Variants in CCDC134 observed in about 807,000 individuals in gnomAD.
The protein encoded by CCDC134 is coiled-coil domain-containing protein 134.
In CCDC134, 27 loss-of-function variants were observed where a neutral mutation model predicts 25.6. That is an observed-to-expected ratio of 1.05 (90% CI 0.78 to 1.45). CCDC134 has a LOEUF of 1.45. Ranked by LOEUF, CCDC134 falls within the 40% of genes most tolerant of loss-of-function variation. CCDC134 has a pLI of 0.00. For synonymous variants in CCDC134, 110 were observed against 115.0 expected, an observed-to-expected ratio of 0.96 and a Z score of 0.28; for missense variants, 261 against 286.7, an observed-to-expected ratio of 0.91 and a Z score of 0.65.
intron 6 of CCDC134, among the ~76,000 whole-genome samples, chr22:41,819,184 G>T (rs1009054595): frequency 9.9e-5 from 15 of 152,188 alleles, no homozygotes; most frequent in Admixed American, 6.5e-4. Context: ...AGAGTTCTGA[G>T]TTCTCCTGCT....
chr22:41,814,140 C>T (rs1285943346), intron 6 of CCDC134, among the ~76,000 whole-genome samples: 1 of 152,206 alleles, frequency 6.6e-6, no homozygotes, highest in Non-Finnish European at 1.5e-5. Context: ...GAGATCAGGC[C>T]ATGCTCTTCC....
rs566126468 is a variant in CCDC134 at position 41,823,852 on chromosome 22, G to A, written c.565-1846G>A. Among the ~76,000 whole-genome samples, 10 of 152,326 alleles carry A rather than the reference G, an allele frequency of 6.6e-5. No individual in the cohort carries two copies. In the South Asian group the frequency reaches 2.1e-3, roughly 32 times the overall value. ...CCAGAGAAAACCCACCAGAACACGG[G>A]GAGAATGTGTGGACTCCACACAGAC... On this transcript the variant is annotated intron_variant, in intron 6 of 6. Transcript: ENST00000255784.
rs67246997 is a variant in CCDC134, at chr22:41,830,884, C to CTTT, written c.*5081_*5083dup. 8.4e-4 allele frequency among the ~76,000 whole-genome samples: 98 copies of CTTT among 117,250 alleles called. No homozygotes were observed. The highest frequency in any genetic ancestry group is 1.4e-3 in the African/African-American group (36 of 25,484). The allele number at this position is 117,250 out of a possible 152,430, so 76.9% of individuals were successfully genotyped here. ...AGATCCTTATTTTTTCTTTTCTTTT[C>CTTT]TTTTTTTTTTTTTTTTTTTTTTGAG... is the stretch of plus-strand genomic sequence containing the variant. On this transcript the variant is annotated 3_prime_UTR_variant, in exon 7 of 7. Transcript: ENST00000255784.
chr22:41,824,443 A>T (rs1375395663), intron 6 of CCDC134, among the ~76,000 whole-genome samples: 1 of 152,132 alleles, frequency 6.6e-6, no homozygotes, highest in Admixed American at 6.5e-5. Context: ...TGGAAGCTGG[A>T]ATGTGACATG....
At chr22:41,813,880 C>A in intron 6 of CCDC134, 58 bp downstream of exon 6, 1 of 1,520,188 alleles carries the variant, frequency 6.6e-7, no homozygotes, top group South Asian at 1.1e-5. Flanking sequence ...CATAGGACAC[C>A]GAGGCCTGCA....
At position 41,826,023 on chromosome 22, in the gene CCDC134, C is replaced by G; in HGVS notation, c.*200C>G. The stretch of plus-strand genomic sequence containing the variant: ...TGGCTGGATTTTCTCTCAGGGGCCT[C>G]CTGCTGAAGGGGCCTTCAGAGGATT... On this transcript the variant is annotated 3_prime_UTR_variant, in exon 7 of 7. Coordinates refer to ENST00000255784, the MANE Select transcript of CCDC134 (RefSeq NM_024821.5). 1 of 634,084 alleles carries G rather than the reference C, an allele frequency of 1.6e-6. No individual in the cohort carries two copies. The highest frequency in any genetic ancestry group is 1.8e-5 in the African/African-American group (1 of 54,880). 39.3% of individuals were successfully genotyped at this position (634,084 alleles called of 1,614,324 possible).
At chr22:41,806,046 A>G (rs1014018636) in intron 1 of CCDC134, among the ~76,000 whole-genome samples, 12 of 152,180 alleles carry the variant, frequency 7.9e-5, no homozygotes, top group Non-Finnish European at 1.6e-4. Flanking sequence ...TTCTTTATTT[A>G]GTCCATAGAT....
rs1209671303 is a variant in CCDC134, at chr22:41,813,453, C to A, written c.492+8C>A. 1.2e-6 allele frequency: 2 copies of A among 1,614,026 alleles called. No individual in the cohort carries two copies. The highest frequency in any genetic ancestry group is 1.7e-6 in the Non-Finnish European group (2 of 1,179,986). On this transcript the variant is annotated splice_region_variant and intron_variant, in intron 5 of 6. Transcript: ENST00000255784. ...TCGCCCATCCTCAGCCTGGTAAGGA[C>A]TGGGGTGGAGGTGGCCCGGGAGCCC... is the stretch of plus-strand genomic sequence containing the variant.
intron 1 of CCDC134, among the ~76,000 whole-genome samples, chr22:41,803,760 T>A (rs140179600): frequency 6.6e-6 from 1 of 152,104 alleles, no homozygotes; most frequent in African/African-American, 2.4e-5. Flanking sequence ...AGAGTGAGAC[T>A]CTGTCTCCAA....
Position 41,826,497 on chromosome 22 carries a change from C to T in CCDC134, c.*674C>T, listed in dbSNP as rs1341813374. On this transcript the variant is annotated 3_prime_UTR_variant, in exon 7 of 7. Transcript: ENST00000255784. ...GGTGTTGGGAAAGGACCTGGAAGTG[C>T]CCTGGGACCTGGGAAACATTTAGCT... Among the ~76,000 whole-genome samples, 2 of 152,206 alleles carry T rather than the reference C, an allele frequency of 1.3e-5. No homozygotes were observed. Among genetic ancestry groups the T allele is most frequent in the African/African-American group, 4.8e-5 (2 of 41,466 alleles).
chr22:41,824,336 TA>T (rs2076665982), intron 6 of CCDC134, among the ~76,000 whole-genome samples: 2 of 151,780 alleles, frequency 1.3e-5, no homozygotes, highest in Non-Finnish European at 2.9e-5. Context: ...TCCAAGAACA[TA>T]AAGGTGGGGG....
At chr22:41,814,331 C>T (rs1477178185) in intron 6 of CCDC134, among the ~76,000 whole-genome samples, 1 of 152,038 alleles carries the variant, frequency 6.6e-6, no homozygotes, top group African/African-American at 2.4e-5. Flanking sequence ...TTTGGGAGGC[C>T]GAGGCGGGTG....
At chr22:41,810,066 A>G in intron 3 of CCDC134, 66 bp downstream of exon 3, 1 of 1,606,632 alleles carries the variant, frequency 6.2e-7, no homozygotes, top group Non-Finnish European at 8.5e-7. Flanking sequence ...ATGGGTAAAC[A>G]GGAGTTCCCT....
rs547880475 is a variant in CCDC134, at chr22:41,830,673, ACTAT to A, written c.*4855_*4858del. 4.4e-4 allele frequency among the ~76,000 whole-genome samples: 67 copies of A among 152,336 alleles called. 2 individuals carry two copies. In the East Asian group the frequency reaches 0.01, roughly 24 times the overall value. Reference sequence around the variant, plus strand: ...GTCTTGCTTTCCCAAAAAATAAGACACTATCTATTTCTCATTAGTTATACACGTT... The same window carrying A: ...GTCTTGCTTTCCCAAAAAATAAGACACTATTTCTCATTAGTTATACACGTT... On this transcript the variant is annotated 3_prime_UTR_variant, in exon 7 of 7. Transcript: ENST00000255784.
At chr22:41,821,689 C>T (rs894512338) in intron 6 of CCDC134, among the ~76,000 whole-genome samples, 2 of 152,052 alleles carry the variant, frequency 1.3e-5, no homozygotes, top group African/African-American at 2.4e-5. Flanking sequence ...AGAGGGAGGA[C>T]GTGATGAGGC....
In CCDC134 at chr22:41,829,466, T is replaced by C. The variant is rs1369751636; in HGVS notation, c.*3643T>C. 1.3e-5 allele frequency among the ~76,000 whole-genome samples: 2 copies of C among 152,250 alleles called. No homozygotes were observed. The highest frequency in any genetic ancestry group is 2.9e-5 in the Non-Finnish European group (2 of 68,050). ...TACCTGATAATTCTCATCGCTTATGTTTCCAAAACCAAACTGGTTATTTCC... is the reference window on the plus strand; with the variant it reads ...TACCTGATAATTCTCATCGCTTATGCTTCCAAAACCAAACTGGTTATTTCC... On this transcript the variant is annotated 3_prime_UTR_variant, in exon 7 of 7. Coordinates refer to ENST00000255784, the MANE Select transcript of CCDC134 (RefSeq NM_024821.5).
At chr22:41,811,143 A>G (rs2076594093) in intron 4 of CCDC134, among the ~76,000 whole-genome samples, 1 of 152,134 alleles carries the variant, frequency 6.6e-6, no homozygotes, top group Admixed American at 6.5e-5. Context: ...TGGCTCCAAT[A>G]GGGACTGCTT....
chr22:41,823,580 G>A (rs1176737463), intron 6 of CCDC134, among the ~76,000 whole-genome samples: 1 of 152,132 alleles, frequency 6.6e-6, no homozygotes, highest in Non-Finnish European at 1.5e-5. Context: ...TGAAATAAAT[G>A]TGAACTATAC....
chr22:41,803,925 A>T (rs1451810110), intron 1 of CCDC134, among the ~76,000 whole-genome samples: 1 of 152,068 alleles, frequency 6.6e-6, no homozygotes, highest in Non-Finnish European at 1.5e-5. Context: ...AGGGCAGGAG[A>T]TGGAGACCAT....
Sources: gnomAD v4.1 joint callset for allele counts (sites outside exome capture counted in the v4.1 genomes callset) on GRCh38, gnomAD v4.1.1 for gene constraint, MANE v1.5 for transcripts, NCBI Gene and HGNC (gene_info 2026-07-23, HGNC 2026-07-21) for gene names.